The following EIF6 variants were observed in gnomAD, a reference collection of about 807,000 sequenced individuals.
EIF6 encodes the protein B4 integrin interactor.
In EIF6, 10 loss-of-function variants were observed where a neutral mutation model predicts 25.5. The observed-to-expected ratio is 0.39, with a 90% CI of 0.24 to 0.66. The LOEUF is 0.66. Ranked by LOEUF, EIF6 falls within the 30% of genes least tolerant of loss-of-function variation. The pLI is 0.45. For synonymous variants in EIF6, 122 were observed against 122.6 expected, an observed-to-expected ratio of 1.00 and a Z score of 0.03; for missense variants, 246 against 315.4, an observed-to-expected ratio of 0.78 and a Z score of 1.67.
chr20:35,280,765 G>A lies in EIF6; in HGVS notation c.258C>T (p.Asn86=). The stretch of plus-strand genomic sequence containing the variant: ...TAATCTGCACTGTGTCTGGGAGGCT[G>A]TTGCGAATGTGTTGCAGCTCCTGGT... The part of the protein sequence containing the change: ...TTDQELQHIR[N]SLPDTVQIRR... Residue 86 remains asparagine, a synonymous_variant, in exon 4 of 7, where the codon AAC becomes AAT. Coordinates refer to ENST00000374450, the MANE Select transcript of EIF6 (RefSeq NM_002212.4). 1 of 1,614,164 alleles carries A rather than the reference G, an allele frequency of 6.2e-7. No homozygotes were observed. Among genetic ancestry groups the A allele is most frequent in the African/African-American group, 1.3e-5 (1 of 75,064 alleles).
rs749332022 is a variant in EIF6 at position 35,279,966 on chromosome 20, G to A, written c.522C>T (p.Ser174=). ...CCACAAGGGGGACTTGAAGAAGAGA[G>A]GACAGCTCATCCTGGTCTTCAATTG... ...KTSIEDQDEL[S]SLLQVPLVAG... is the part of the protein sequence containing the mutation. Residue 174 remains serine (S), a synonymous_variant, in exon 5 of 7, where the codon TCC becomes TCT. Transcript: ENST00000374450. 11 of 1,614,116 alleles carry A rather than the reference G, an allele frequency of 6.8e-6. No individual in the cohort carries two copies. Among genetic ancestry groups the A allele is most frequent in the South Asian group, 2.2e-5 (2 of 91,078 alleles).
intron 1 of EIF6, 42 bp downstream of exon 1, chr20:35,284,684 G>T: frequency 1.6e-6 from 1 of 627,136 alleles, no homozygotes; most frequent in Non-Finnish European, 2.8e-6. Context: ...CCCGACCCAG[G>T]ACCGGAGCTG....
At chr20:35,280,538 GC>G in intron 4 of EIF6, 115 bp downstream of exon 4, 1 of 1,236,188 alleles carries the variant, frequency 8.1e-7, no homozygotes, top group Admixed American at 2.4e-5. Flanking sequence ...AAACTCAAGA[GC>G]CCATATAGAA....
At chr20:35,282,893 A>ATTTTT (rs2060788938) in intron 3 of EIF6, among the ~76,000 whole-genome samples, 1 of 152,046 alleles carries the variant, frequency 6.6e-6, no homozygotes, top group African/African-American at 2.4e-5. Context: ...ATTTTTAAAA[A>ATTTTT]TTAAAGTAAA....
In EIF6 at chr20:35,279,090, AGCTCTCTGC is replaced by A; in HGVS notation, c.*98_*106del. The A allele has an allele frequency of 6.9e-7, 1 of 1,457,140 alleles. No individual in the cohort carries two copies. Among genetic ancestry groups the A allele is most frequent in the Non-Finnish European group, 9.6e-7 (1 of 1,044,188 alleles). 90.3% of individuals were successfully genotyped at this position (1,457,140 alleles called of 1,614,324 possible). A position where few individuals can be genotyped will look rare whatever the true frequency, so the allele number is the denominator to read the frequency against. On this transcript the variant is annotated 3_prime_UTR_variant, in exon 7 of 7. Transcript: ENST00000374450. ...GGTGCCCAGCCCCTCAGTCCCAGTGAGCTCTCTGCCACCTCCCTGCCAGCATCCGGTACA... is the reference window on the plus strand; with the variant it reads ...GGTGCCCAGCCCCTCAGTCCCAGTGACACCTCCCTGCCAGCATCCGGTACA...
chr20:35,279,173 C>T lies in EIF6; in HGVS notation c.*24G>A, dbSNP rs769045030. 3.7e-6 allele frequency: 6 copies of T among 1,613,806 alleles called. No individual in the cohort carries two copies. Among genetic ancestry groups the T allele is most frequent in the Non-Finnish European group, 5.1e-6 (6 of 1,179,920 alleles). On this transcript the variant is annotated 3_prime_UTR_variant, in exon 7 of 7. Transcript: ENST00000374450. ...TTGGCCACAGTCCAGAGCCAGGAGC[C>T]CATGGAACAACTTGGAAGGTGACTC...
chr20:35,284,650 C>G, intron 1 of EIF6, 76 bp downstream of exon 1: 2 of 800,778 alleles, frequency 2.5e-6, no homozygotes, highest in South Asian at 3.5e-5. Context: ...ACCTCCGGCC[C>G]TGAATCCTCT....
At chr20:35,284,319 C>G (rs1290558222) in intron 2 of EIF6, 58 bp from the exon 3 acceptor site, 2 of 1,613,748 alleles carry the variant, frequency 1.2e-6, no homozygotes, top group Non-Finnish European at 1.7e-6. Flanking sequence ...CTCCCACTGC[C>G]GGAGCTCTTG....
At position 35,279,740 on chromosome 20, in the gene EIF6, GT is replaced by G. The variant is rs2060755540; in HGVS notation, c.553del (p.Thr185LeufsTer2). On this transcript the variant is annotated frameshift_variant, in exon 6 of 7. Coordinates refer to ENST00000374450, the MANE Select transcript of EIF6 (RefSeq NM_002212.4). LOFTEE classifies it high-confidence loss of function. ...SLLQVPLVAG[T>X]VNRGSEVIAA... Reference sequence around the variant, plus strand: ...AATCACCTCACTGCCTCGGTTCACAGTCCCCGCCTGCCAAGGGATGGGCTCA... The same window carrying G: ...AATCACCTCACTGCCTCGGTTCACAGCCCCGCCTGCCAAGGGATGGGCTCA... 1 of 1,613,982 alleles carries G rather than the reference GT, an allele frequency of 6.2e-7. No individual in the cohort carries two copies. Among genetic ancestry groups the G allele is most frequent in the African/African-American group, 1.3e-5 (1 of 74,902 alleles).
chr20:35,284,762 T>C lies in EIF6; in HGVS notation c.-42A>G, dbSNP rs1055001519. 1 of 462,888 alleles carries C rather than the reference T, an allele frequency of 2.2e-6. No homozygotes were observed. Among genetic ancestry groups the C allele is most frequent in the East Asian group, 3.6e-5 (1 of 27,768 alleles). 28.7% of individuals were successfully genotyped at this position (462,888 alleles called of 1,614,324 possible). ...TAACAAGCTCCGCACGCGGCGACTG[T>C]ACCTTGGACTCCCTAAAAAGGTTTC... is the stretch of plus-strand genomic sequence containing the variant. On this transcript the variant is annotated 5_prime_UTR_variant, in exon 1 of 7. Transcript: ENST00000374450.
chr20:35,282,373 C>A (rs2060782945), intron 3 of EIF6, among the ~76,000 whole-genome samples: 1 of 152,214 alleles, frequency 6.6e-6, no homozygotes, highest in Admixed American at 6.5e-5. Flanking sequence ...GATATACTTA[C>A]ACAAAACACA....
At chr20:35,283,593 A>T (rs780038088) in intron 3 of EIF6, among the ~76,000 whole-genome samples, 1 of 152,166 alleles carries the variant, frequency 6.6e-6, no homozygotes, top group Non-Finnish European at 1.5e-5. Context: ...TGAGCCCAGG[A>T]GATCAAGGCC....
chr20:35,282,111 C>G (rs1410279449), intron 3 of EIF6, among the ~76,000 whole-genome samples: 2 of 152,076 alleles, frequency 1.3e-5, no homozygotes, highest in African/African-American at 4.8e-5. Context: ...GCCTCAACCT[C>G]CCAAGTAGCT....
intron 3 of EIF6, among the ~76,000 whole-genome samples, chr20:35,281,082 C>T (rs948212398): frequency 1.3e-5 from 2 of 152,176 alleles, no homozygotes; most frequent in Admixed American, 6.5e-5. Context: ...GTATATTTTG[C>T]TACTTAAAAA....
rs1045698603 is a variant in EIF6 at position 35,278,924 on chromosome 20, G to A, written c.*273C>T. On this transcript the variant is annotated 3_prime_UTR_variant, in exon 7 of 7. Coordinates refer to ENST00000374450, the MANE Select transcript of EIF6 (RefSeq NM_002212.4). ...CCAAACATCACATTCAGAATGGCCC[G>A]GAGGGAACTGCACTTTAATGGGGTG... The A allele has an allele frequency of 3.8e-5, 20 of 529,336 alleles. No homozygotes were observed. The highest frequency in any genetic ancestry group is 2.0e-4 in the East Asian group (6 of 30,162). The allele number at this position is 529,336 out of a possible 1,614,324, so 32.8% of individuals were successfully genotyped here.
intron 4 of EIF6, 101 bp from the exon 5 acceptor site, chr20:35,280,219 T>C: frequency 2.4e-6 from 3 of 1,269,356 alleles, no homozygotes; most frequent in Middle Eastern, 2.5e-4. Flanking sequence ...CCTGAGCCCC[T>C]CATTTCTCCT....
At chr20:35,279,503 C>G (rs1457387233) in intron 6 of EIF6, 63 bp downstream of exon 6, 2 of 1,586,392 alleles carry the variant, frequency 1.3e-6, no homozygotes, top group African/African-American at 2.7e-5. Flanking sequence ...ATCTTTTCCC[C>G]ATACTCTCAA....
In EIF6 at chr20:35,278,968, C is replaced by T. The variant is rs893263262; in HGVS notation, c.*229G>A. ...TGGGGTGGCACAGGACAGCAGAACCCTCAGCCAGCAGCCACAGGGCCTGCC... is the reference window on the plus strand; with the variant it reads ...TGGGGTGGCACAGGACAGCAGAACCTTCAGCCAGCAGCCACAGGGCCTGCC... On this transcript the variant is annotated 3_prime_UTR_variant, in exon 7 of 7. Coordinates refer to ENST00000374450, the MANE Select transcript of EIF6 (RefSeq NM_002212.4). 2 of 604,534 alleles carry T rather than the reference C, an allele frequency of 3.3e-6. No individual in the cohort carries two copies. The highest frequency in any genetic ancestry group is 3.7e-5 in the African/African-American group (2 of 53,948). The allele number at this position is 604,534 out of a possible 1,614,324, so 37.4% of individuals were successfully genotyped here.
intron 3 of EIF6, among the ~76,000 whole-genome samples, chr20:35,282,219 G>A (rs920014959): frequency 7.9e-5 from 12 of 152,004 alleles, no homozygotes; most frequent in African/African-American, 2.7e-4. Context: ...TCGATCTCCC[G>A]ACCTCGTGAT....
Sources: allele counts gnomAD v4.1 joint callset (sites outside exome capture counted in the v4.1 genomes callset), GRCh38; gene constraint gnomAD v4.1.1; transcripts MANE v1.5; gene names NCBI Gene and HGNC (gene_info 2026-07-23, HGNC 2026-07-21).